Variants in EFEMP1 observed in about 807,000 individuals in gnomAD.
EFEMP1 encodes EGF-like fibulin extracellular matrix protein 1.
Under a neutral mutation model 65.7 loss-of-function variants are expected in EFEMP1, and 18 were observed. That is an observed-to-expected ratio of 0.27 (90% CI 0.19 to 0.41). The LOEUF is 0.41. Ranked by LOEUF, EFEMP1 falls within the 10% of genes least tolerant of loss-of-function variation. The pLI, the probability that EFEMP1 is intolerant of heterozygous loss-of-function variation, is 1.00. For missense variants in EFEMP1, 469 were observed against 624.8 expected (o/e 0.75, Z 2.66); for synonymous variants, 237 against 219.7 (o/e 1.08, Z -0.70).
chr2:55,876,580 C>G (rs1215362912), intron 8 of EFEMP1, 43 bp downstream of exon 8: 1 of 1,604,666 alleles, frequency 6.2e-7, no homozygotes, highest in Admixed American at 1.7e-5. Context: ...ACAGCAGTCA[C>G]AGGAATTGGA....
intron 5 of EFEMP1, among the ~76,000 whole-genome samples, chr2:55,913,999 G>A (rs1670582195): frequency 6.6e-6 from 1 of 151,868 alleles, no homozygotes. Context: ...GACAGCGTGA[G>A]ACTCTGTCTC....
intron 11 of EFEMP1, among the ~76,000 whole-genome samples, chr2:55,868,205 T>G (rs570906337): frequency 6.6e-6 from 1 of 152,258 alleles, no homozygotes; most frequent in South Asian, 2.1e-4. Context: ...TAAACAATAG[T>G]TGTAGGTAAT....
At chr2:55,868,726 C>A (rs984753919) in intron 11 of EFEMP1, among the ~76,000 whole-genome samples, 1 of 152,106 alleles carries the variant, frequency 6.6e-6, no homozygotes, top group South Asian at 2.1e-4. Context: ...TTAACTTTTT[C>A]TACACAATAA....
chr2:55,875,329 CAT>C (rs200235490), intron 8 of EFEMP1, among the ~76,000 whole-genome samples: 18,064 of 139,782 alleles, frequency 0.13, 1,441 homozygotes, highest in African/African-American at 0.22. Flanking sequence ...GCCTGGGTTT[CAT>C]ATATACACAC....
rs1669332228 is a variant in EFEMP1 at position 55,883,856 on chromosome 2, G to A, written c.518-2122C>T. 2.0e-5 allele frequency among the ~76,000 whole-genome samples: 3 copies of A among 152,062 alleles called. No individual in the cohort carries two copies. The highest frequency in any genetic ancestry group is 2.0e-4 in the Admixed American group (3 of 15,268). On this transcript the variant is annotated intron_variant, in intron 5 of 11. Transcript: ENST00000355426. The surrounding 1 kb of genome is among the most constrained non-coding windows in gnomAD (Gnocchi z 4.5). ...TGAGGTCTGTTTACCTTCTGAGTGGGTTATTTAATAAAAATATTAGGTGAG... is the reference window on the plus strand; with the variant it reads ...TGAGGTCTGTTTACCTTCTGAGTGGATTATTTAATAAAAATATTAGGTGAG...
chr2:55,916,515 T>A (rs1172178078), intron 5 of EFEMP1, among the ~76,000 whole-genome samples: 2 of 152,316 alleles, frequency 1.3e-5, no homozygotes, highest in East Asian at 3.9e-4. Flanking sequence ...AGAAAATGCA[T>A]CTTTCATTTA....
chr2:55,897,177 C>G (rs1375697504), intron 5 of EFEMP1, among the ~76,000 whole-genome samples: 1 of 152,120 alleles, frequency 6.6e-6, no homozygotes, highest in Non-Finnish European at 1.5e-5. Context: ...AGGGTAGGCC[C>G]CATAAGCTTT....
chr2:55,919,396 G>C lies in EFEMP1; in HGVS notation c.82-1129C>G, dbSNP rs1013477008. Among the ~76,000 whole-genome samples, 5 of 152,178 alleles carry C rather than the reference G, an allele frequency of 3.3e-5. No individual in the cohort carries two copies. Among genetic ancestry groups the C allele is most frequent in the Non-Finnish European group, 7.3e-5 (5 of 68,028 alleles). On this transcript the variant is annotated intron_variant, in intron 3 of 11. Transcript: ENST00000355426. The surrounding 1 kb of genome is among the most constrained non-coding windows in gnomAD (Gnocchi z 4.5). ...GGATTTGATTCTGTAGGTCTGGGTAGGGGGCCTGGAATCTAAATTCTTAGC... is the reference window on the plus strand; with the variant it reads ...GGATTTGATTCTGTAGGTCTGGGTACGGGGCCTGGAATCTAAATTCTTAGC...
At chr2:55,906,029 A>AT (rs58547664) in intron 5 of EFEMP1, among the ~76,000 whole-genome samples, 3 of 152,078 alleles carry the variant, frequency 2.0e-5, no homozygotes, top group Non-Finnish European at 4.4e-5. Context: ...GCTATTTAAC[A>AT]TTTTTTTGAA....
rs1409303994 is a variant in EFEMP1, at chr2:55,917,040, T to G, written c.517+625A>C. Among the ~76,000 whole-genome samples, 2 of 152,014 alleles carry G rather than the reference T, an allele frequency of 1.3e-5. No homozygotes were observed. On this transcript the variant is annotated intron_variant, in intron 5 of 11. Coordinates refer to ENST00000355426, the MANE Select transcript of EFEMP1 (RefSeq NM_001039348.3). The surrounding 1 kb of genome is among the most constrained non-coding windows in gnomAD (Gnocchi z 6.3). Reference sequence around the variant, plus strand: ...AGATATAAACGTGAGTGGGGGAGAATCCCTCCAAGGTAATGAGAAGCAGGA... The same window carrying G: ...AGATATAAACGTGAGTGGGGGAGAAGCCCTCCAAGGTAATGAGAAGCAGGA...
chr2:55,870,627 C>A lies in EFEMP1; in HGVS notation c.1320+93G>T. The A allele has an allele frequency of 1.3e-6, 2 of 1,501,314 alleles. No homozygotes were observed. The allele number at this position is 1,501,314 out of a possible 1,614,324, so 93.0% of individuals were successfully genotyped here. ...GACACTTTAAATGTTTGCTTTCCTT[C>A]CACATGTGGATACCACACAACAACA... On this transcript the variant is annotated intron_variant, in intron 11 of 11. Transcript: ENST00000355426. The surrounding 1 kb of genome is among the most constrained non-coding windows in gnomAD (Gnocchi z 5.8).
chr2:55,902,209 T>C (rs1670064253), intron 5 of EFEMP1, among the ~76,000 whole-genome samples: 1 of 152,220 alleles, frequency 6.6e-6, no homozygotes. Flanking sequence ...CACATAGACT[T>C]CCTTATGGTT....
Position 55,922,342 on chromosome 2 carries a change from A to C in EFEMP1, c.81+18T>G. On this transcript the variant is annotated intron_variant, in intron 3 of 11. Coordinates refer to ENST00000355426, the MANE Select transcript of EFEMP1 (RefSeq NM_001039348.3). The surrounding 1 kb of genome is among the most constrained non-coding windows in gnomAD (Gnocchi z 5.5). Reference sequence around the variant, plus strand: ...ATCCCGCTGAACCGTACTTATTTCAAATTCCATCACCCCTTACCGTGTACG... The same window carrying C: ...ATCCCGCTGAACCGTACTTATTTCACATTCCATCACCCCTTACCGTGTACG... 6.2e-7 allele frequency: 1 copy of C among 1,612,446 alleles called. No individual in the cohort carries two copies. The highest frequency in any genetic ancestry group is 8.5e-7 in the Non-Finnish European group (1 of 1,178,564).
At chr2:55,894,823 T>G (rs1411390254) in intron 5 of EFEMP1, among the ~76,000 whole-genome samples, 2 of 152,190 alleles carry the variant, frequency 1.3e-5, no homozygotes, top group African/African-American at 4.8e-5. Context: ...ATGAAAGAAC[T>G]TAAGGCCCAA....
chr2:55,887,538 C>T (rs1669467235), intron 5 of EFEMP1, among the ~76,000 whole-genome samples: 1 of 152,156 alleles, frequency 6.6e-6, no homozygotes. Flanking sequence ...GGGCCAAATG[C>T]CCAGTTCTAG....
chr2:55,896,645 G>A (rs560592026), intron 5 of EFEMP1, among the ~76,000 whole-genome samples: 2 of 152,232 alleles, frequency 1.3e-5, no homozygotes, highest in South Asian at 2.1e-4. Context: ...AATAAAACCA[G>A]TTGTAATTAG....
At chr2:55,876,460 A>G (rs760467137) in intron 8 of EFEMP1, among the ~76,000 whole-genome samples, 163 bp downstream of exon 8, 16 of 152,250 alleles carry the variant, frequency 1.1e-4, no homozygotes, top group Non-Finnish European at 2.1e-4. Flanking sequence ...TTTCTTGGTA[A>G]CACACTAAAA....
At position 55,866,789 on chromosome 2, in the gene EFEMP1, T is replaced by C; in HGVS notation, c.*284A>G. On this transcript the variant is annotated 3_prime_UTR_variant, in exon 12 of 12. Transcript: ENST00000355426. ...AGATCATCATTGCTTGGTCCCACTT[T>C]TATAGGAAAGAATCCAAGTTTCACC... 1 of 363,548 alleles carries C rather than the reference T, an allele frequency of 2.8e-6. No homozygotes were observed. The highest frequency in any genetic ancestry group is 5.1e-6 in the Non-Finnish European group (1 of 194,924). 22.5% of individuals were successfully genotyped at this position (363,548 alleles called of 1,614,324 possible).
At chr2:55,875,124 G>T in intron 8 of EFEMP1, 59 bp from the exon 9 acceptor site, 6 of 925,072 alleles carry the variant, frequency 6.5e-6, no homozygotes, top group South Asian at 3.4e-5. Flanking sequence ...CCACTACTTT[G>T]GATATATATA....
Sources: gnomAD v4.1 joint callset for allele counts (sites outside exome capture counted in the v4.1 genomes callset) on GRCh38, gnomAD v4.1.1 for gene constraint, Gnocchi (gnomAD v3.1) non-coding constraint, MANE v1.5 for transcripts, NCBI Gene and HGNC (gene_info 2026-07-23, HGNC 2026-07-21) for gene names.